The following DRC11 variants were observed in gnomAD, a reference collection of about 807,000 sequenced individuals.
DRC11 encodes the protein dynein regulatory complex subunit 11, also known as IQ and AAA domain-containing protein 1.
the DRC11 span, among the ~76,000 whole-genome samples, chr2:236,438,633 T>C: frequency 6.6e-6 from 1 of 152,146 alleles, no homozygotes; most frequent in African/African-American, 2.4e-5. Flanking sequence ...CAGTGGTTTA[T>C]AGTTCTCCTT....
the DRC11 span, among the ~76,000 whole-genome samples, chr2:236,348,715 T>C: frequency 6.6e-6 from 1 of 152,210 alleles, no homozygotes; most frequent in South Asian, 2.1e-4. The surrounding 1 kb of genome is among the most constrained non-coding windows in gnomAD (Gnocchi z 7.4). Flanking sequence ...GTTAGCAGTT[T>C]TGAAAGCTCC....
the DRC11 span, among the ~76,000 whole-genome samples, chr2:236,424,636 C>G: frequency 5.3e-5 from 8 of 150,330 alleles, no homozygotes; most frequent in Admixed American, 5.3e-4. Context: ...CATCACCTTA[C>G]ATGCTTAGCA....
the DRC11 span, among the ~76,000 whole-genome samples, chr2:236,372,929 T>G: frequency 6.6e-6 from 1 of 152,206 alleles, no homozygotes; most frequent in Non-Finnish European, 1.5e-5. This position sits in a 1 kb window ranked among gnomAD's most constrained non-coding sequence, Gnocchi z 4.5. Flanking sequence ...TTTGCATTTT[T>G]TCTGTTCCTT....
chr2:236,462,818 G>C, the DRC11 span, among the ~76,000 whole-genome samples: 4 of 152,326 alleles, frequency 2.6e-5, no homozygotes, highest in African/African-American at 7.2e-5. The surrounding 1 kb of genome is among the most constrained non-coding windows in gnomAD (Gnocchi z 6.4). Context: ...ATTCTTGAAA[G>C]AGAGACATTT....
chr2:236,416,809 G>A, the DRC11 span, among the ~76,000 whole-genome samples: 2 of 138,496 alleles, frequency 1.4e-5, no homozygotes, highest in Non-Finnish European at 3.1e-5. Context: ...CACTCAGGCT[G>A]GAGTGCAGTG....
the DRC11 span, among the ~76,000 whole-genome samples, chr2:236,309,188 G>T: frequency 6.6e-6 from 1 of 152,156 alleles, no homozygotes. This position sits in a 1 kb window ranked among gnomAD's most constrained non-coding sequence, Gnocchi z 5.7. Context: ...GCGGCTCCCT[G>T]CTCCAGGCAC....
At chr2:236,306,951 G>A in the DRC11 span, among the ~76,000 whole-genome samples, 24 of 152,076 alleles carry the variant, frequency 1.6e-4, no homozygotes, top group African/African-American at 3.6e-4. The surrounding 1 kb of genome is among the most constrained non-coding windows in gnomAD (Gnocchi z 5.9). Flanking sequence ...ATCCTCTCCC[G>A]TTCTACACCC....
the DRC11 span, among the ~76,000 whole-genome samples, chr2:236,407,560 A>C: frequency 6.6e-6 from 1 of 152,174 alleles, no homozygotes; most frequent in Non-Finnish European, 1.5e-5. Context: ...TATAAATATA[A>C]AAGGGCACAG....
At chr2:236,420,081 T>C in the DRC11 span, among the ~76,000 whole-genome samples, 1 of 152,158 alleles carries the variant, frequency 6.6e-6, no homozygotes, top group Non-Finnish European at 1.5e-5. This position sits in a 1 kb window ranked among gnomAD's most constrained non-coding sequence, Gnocchi z 4.8. Context: ...AGCCAGCATC[T>C]CCGTACATAG....
the DRC11 span, among the ~76,000 whole-genome samples, chr2:236,460,811 G>T: frequency 6.6e-6 from 1 of 152,132 alleles, no homozygotes; most frequent in Non-Finnish European, 1.5e-5. This position sits in a 1 kb window ranked among gnomAD's most constrained non-coding sequence, Gnocchi z 4.0. Flanking sequence ...AGGGAATACA[G>T]TGGTGAATTC....
At chr2:236,390,691 T>C in the DRC11 span, among the ~76,000 whole-genome samples, 1 of 152,170 alleles carries the variant, frequency 6.6e-6, no homozygotes, top group Non-Finnish European at 1.5e-5. This position sits in a 1 kb window ranked among gnomAD's most constrained non-coding sequence, Gnocchi z 5.9. Flanking sequence ...AGTAAATGAC[T>C]TGCTATTACT....
chr2:236,475,964 G>A, the DRC11 span, among the ~76,000 whole-genome samples: 83 of 152,184 alleles, frequency 5.5e-4, no homozygotes, highest in African/African-American at 1.9e-3. This position sits in a 1 kb window ranked among gnomAD's most constrained non-coding sequence, Gnocchi z 4.8. Flanking sequence ...TGCTGTTTTG[G>A]TTACTACCGT....
chr2:236,416,737 A>ATATATATATTTT, the DRC11 span, among the ~76,000 whole-genome samples: 30 of 52,164 alleles, frequency 5.8e-4, no homozygotes, highest in Middle Eastern at 9.4e-3. Flanking sequence ...ATATATATAT[A>ATATATATATTTT]TATATATATA....
the DRC11 span, among the ~76,000 whole-genome samples, chr2:236,387,162 G>A: frequency 0.01 from 1,516 of 150,416 alleles, 7 homozygotes; most frequent in South Asian, 0.024. Flanking sequence ...GGAGAGTTCT[G>A]TAGATGTCTA....
the DRC11 span, among the ~76,000 whole-genome samples, chr2:236,433,529 A>C: frequency 6.6e-6 from 1 of 152,200 alleles, no homozygotes; most frequent in Non-Finnish European, 1.5e-5. Flanking sequence ...CTCTTACATT[A>C]CATTTTCTAG....
the DRC11 span, among the ~76,000 whole-genome samples, chr2:236,404,766 G>A: frequency 3.9e-5 from 6 of 152,260 alleles, no homozygotes; most frequent in East Asian, 1.2e-3. Context: ...GTGTTTATTC[G>A]TAATGACTTG....
the DRC11 span, among the ~76,000 whole-genome samples, chr2:236,374,001 A>C: frequency 6.6e-6 from 1 of 152,124 alleles, no homozygotes; most frequent in Non-Finnish European, 1.5e-5. Flanking sequence ...ACACTTTCTT[A>C]TTCCGGTCCT....
the DRC11 span, among the ~76,000 whole-genome samples, chr2:236,380,373 G>T: frequency 6.6e-6 from 1 of 152,192 alleles, no homozygotes; most frequent in Non-Finnish European, 1.5e-5. The surrounding 1 kb of genome is among the most constrained non-coding windows in gnomAD (Gnocchi z 4.9). Flanking sequence ...AGCCATGGGG[G>T]TCCAGGTTTG....
chr2:236,347,527 T>TATATATATATATATATA, the DRC11 span, among the ~76,000 whole-genome samples: 61 of 145,186 alleles, frequency 4.2e-4, no homozygotes, highest in Middle Eastern at 3.6e-3. Flanking sequence ...TATATATATA[T>TATATATATATATATATA]GATGGAATAC....
Sources: allele counts gnomAD v4.1 joint callset (sites outside exome capture counted in the v4.1 genomes callset), GRCh38; gene constraint gnomAD v4.1.1; non-coding constraint Gnocchi (gnomAD v3.1); transcripts MANE v1.5; gene names NCBI Gene and HGNC (gene_info 2026-07-23, HGNC 2026-07-21).